Variants in CCDC74A observed in about 807,000 individuals in gnomAD.
The protein encoded by CCDC74A is coiled-coil domain-containing protein 74A.
Under a neutral mutation model 37.6 loss-of-function variants are expected in CCDC74A, and 38 were observed. The ratio of observed to expected loss-of-function variants is 1.01; its 90% CI spans 0.78 to 1.33. CCDC74A has a LOEUF of 1.33. CCDC74A is among the 40% of genes most tolerant of loss of function. CCDC74A has a pLI of 0.00. For missense variants in CCDC74A, 340 were observed against 403.4 expected (o/e 0.84, Z 1.35); for synonymous variants, 134 against 165.2 (o/e 0.81, Z 1.45).
upstream of CCDC74A, among the ~76,000 whole-genome samples, chr2:131,526,046 CCT>C (rs533870348): frequency 1.0e-3 from 153 of 151,976 alleles, no homozygotes; most frequent in South Asian, 4.2e-3. Flanking sequence ...GAACTCCTGA[CCT>C]CAAGTGATTC....
chr2:131,533,173 G>T, intron 7 of CCDC74A, 96 bp from the exon 8 acceptor site: 1 of 1,607,270 alleles, frequency 6.2e-7, no homozygotes, highest in Admixed American at 1.7e-5. Context: ...GCTCGCTGAG[G>T]CCTCTCTGTG....
At chr2:131,524,322 T>C (rs561219215), upstream of CCDC74A, among the ~76,000 whole-genome samples, 1 of 152,150 alleles carries the variant, frequency 6.6e-6, no homozygotes, top group East Asian at 1.9e-4. Context: ...GGGTGGACTT[T>C]TGATGGTTAA....
In CCDC74A at chr2:131,533,609, G is replaced by C; in HGVS notation, c.*211G>C. ...ATTTGGCATTTACATAAAAGCACAC[G>C]ATGAAGCAGGTATCGCCTTACCTGT... On this transcript the variant is annotated 3_prime_UTR_variant, in exon 8 of 8. Coordinates refer to ENST00000409856, the MANE Select transcript of CCDC74A (RefSeq NM_001258306.3). 3.1e-6 allele frequency: 2 copies of C among 641,510 alleles called. No individual in the cohort carries two copies. Among genetic ancestry groups the C allele is most frequent in the Non-Finnish European group, 5.3e-6 (2 of 379,524 alleles). 39.7% of individuals were successfully genotyped at this position (641,510 alleles called of 1,614,324 possible).
At chr2:131,523,567 CA>C (rs1680199909), upstream of CCDC74A, among the ~76,000 whole-genome samples, 1 of 152,158 alleles carries the variant, frequency 6.6e-6, no homozygotes. Flanking sequence ...GTAGAGGTTG[CA>C]GTAAGCCGAG....
chr2:131,531,999 C>T (rs1352641545), intron 4 of CCDC74A, among the ~76,000 whole-genome samples, 197 bp downstream of exon 4: 1 of 149,468 alleles, frequency 6.7e-6, no homozygotes, highest in African/African-American at 2.4e-5. Context: ...GCGCTGTCTT[C>T]CTCCCTTCCC....
chr2:131,529,986 G>T, intron 2 of CCDC74A: 1 of 1,525,224 alleles, frequency 6.6e-7, no homozygotes, highest in Non-Finnish European at 8.8e-7. Context: ...AAATGGGAAG[G>T]AACCCCTGGG....
In CCDC74A at chr2:131,528,038, G is replaced by T; in HGVS notation, c.68G>T (p.Arg23Leu). 6.6e-7 allele frequency: 1 copy of T among 1,515,290 alleles called. No individual in the cohort carries two copies. Among genetic ancestry groups the T allele is most frequent in the Non-Finnish European group, 8.8e-7 (1 of 1,136,380 alleles). The allele number at this position is 1,515,290 out of a possible 1,614,324, so 93.9% of individuals were successfully genotyped here. A position where few individuals can be genotyped will look rare whatever the true frequency, so the allele number is the denominator to read the frequency against. ...PSSPTPGSRRRRQRPSVGVQS... is the reference protein window; with the variant it reads ...PSSPTPGSRRLRQRPSVGVQS... ...TCGCCGACCCCGGGCTCTCGGCGCC[G>T]GCGCCAGCGCCCCTCTGTGGGCGTC... The change falls in exon 1 of 8, where the codon CGG becomes CTG. Residue 23 changes from arginine (R) to leucine (L), a missense_variant. Around this residue, in one of 3 missense-constraint regions of CCDC74A, gnomAD observed 154 missense variants for 153.9 expected, o/e 1.00. Transcript: ENST00000409856.
chr2:131,532,049 C>T (rs528752599), intron 4 of CCDC74A, among the ~76,000 whole-genome samples: 3 of 150,612 alleles, frequency 2.0e-5, no homozygotes, highest in South Asian at 2.1e-4. Flanking sequence ...CCTGAGCCCA[C>T]GAGGGGGGCC....
Position 131,528,125 on chromosome 2 carries a change from A to G in CCDC74A, c.155A>G (p.Asp52Gly). Residue 52 changes from aspartate (D) to glycine (G), a missense_variant, in exon 1 of 8, where the codon GAC (aspartate) becomes GGC (glycine). This residue lies in a region of CCDC74A where 154 missense variants were observed against 153.9 expected (regional missense o/e 1.00). Transcript: ENST00000409856. ...AGCGACCCGCAGAAACGGAACCTGG[A>G]CCTGGAGAAAAGCCTGCAGTTCCTG... ...RQSDPQKRNL[D>G]LEKSLQFLQQ... The G allele has an allele frequency of 5.0e-6, 8 of 1,613,868 alleles. No individual in the cohort carries two copies. Among genetic ancestry groups the G allele is most frequent in the Non-Finnish European group, 6.8e-6 (8 of 1,179,832 alleles).
chr2:131,532,056 G>A (rs1425536625), intron 4 of CCDC74A, among the ~76,000 whole-genome samples: 2 of 150,580 alleles, frequency 1.3e-5, no homozygotes, highest in African/African-American at 4.8e-5. Flanking sequence ...CCACGAGGGG[G>A]GCCAGTAGCA....
chr2:131,528,504 C>T, intron 1 of CCDC74A: 1 of 1,461,252 alleles, frequency 6.8e-7, no homozygotes, highest in South Asian at 1.2e-5. Context: ...GTCAGACACA[C>T]CTCTGTTAAA....
At chr2:131,527,854 C>T (rs1431872524), upstream of CCDC74A, 5 of 1,397,828 alleles carry the variant, frequency 3.6e-6, no homozygotes, top group Non-Finnish European at 4.6e-6. Context: ...CCCGCCCCCG[C>T]CAACCGCCTC....
chr2:131,533,069 G>C lies in CCDC74A; in HGVS notation c.809G>C (p.Cys270Ser). The C allele has an allele frequency of 6.2e-7, 1 of 1,613,842 alleles. No homozygotes were observed. Among genetic ancestry groups the C allele is most frequent in the Non-Finnish European group, 8.5e-7 (1 of 1,179,850 alleles). Reference protein sequence around the residue: ...KVSTKSLSKKCLSPPVAERAI... With the variant: ...KVSTKSLSKKSLSPPVAERAI... The stretch of plus-strand genomic sequence containing the variant: ...TCCACCAAGAGCCTCTCCAAGAAAT[G>C]GTAAGTCCCACAGGCATGGGGACAG... Residue 270 changes from cysteine to serine, a missense_variant and splice_region_variant, in exon 7 of 8, where the codon TGC becomes TCC. Cys to Ser is a moderately radical substitution (Grantham distance 112, BLOSUM62 -1). Transcript: ENST00000409856.
chr2:131,526,763 G>A (rs1278288622), upstream of CCDC74A, among the ~76,000 whole-genome samples: 1 of 152,206 alleles, frequency 6.6e-6, no homozygotes, highest in Non-Finnish European at 1.5e-5. Context: ...CATGTGTTCT[G>A]TTTGTTAACT....
rs766922944 is a variant in CCDC74A, at chr2:131,533,407, A to C, written c.*9A>C. 7 of 1,613,224 alleles carry C rather than the reference A, an allele frequency of 4.3e-6. No homozygotes were observed. Among genetic ancestry groups the C allele is most frequent in the South Asian group, 1.1e-5 (1 of 91,066 alleles). On this transcript the variant is annotated 3_prime_UTR_variant, in exon 8 of 8. Coordinates refer to ENST00000409856, the MANE Select transcript of CCDC74A (RefSeq NM_001258306.3). ...ATCGCTCAGTGCTTTGAGCCACCCC[A>C]ATCTGGTCAGTGCCAGGCCCACCAA...
At chr2:131,529,193 T>C in intron 1 of CCDC74A, 2 of 266,510 alleles carry the variant, frequency 7.5e-6, no homozygotes, top group South Asian at 9.9e-5. Flanking sequence ...GAGTGCCGAG[T>C]ATCCCATCAC....
In CCDC74A at chr2:131,533,323, G is replaced by A. The variant is rs374282399; in HGVS notation, c.864G>A (p.Pro288=). 147 of 1,613,304 alleles carry A rather than the reference G, an allele frequency of 9.1e-5. 1 individual carries two copies. Among genetic ancestry groups the A allele is most frequent in the Non-Finnish European group, 1.0e-4 (122 of 1,179,948 alleles). The part of the protein sequence containing the change: ...RAILPALKQT[P]KNNFAERQKR... ...TCCTGCCCGCACTGAAGCAGACCCC[G>A]AAGAACAACTTTGCCGAGAGGCAGA... is the stretch of plus-strand genomic sequence containing the variant. Residue 288 remains proline (P), a synonymous_variant, in exon 8 of 8, where the codon CCG becomes CCA. Transcript: ENST00000409856.
chr2:131,525,202 T>A (rs1033919508), upstream of CCDC74A, among the ~76,000 whole-genome samples: 1 of 152,242 alleles, frequency 6.6e-6, no homozygotes, highest in African/African-American at 2.4e-5. Context: ...TATCTTAATT[T>A]ATTCCTTCTC....
At chr2:131,528,584 G>C (rs1476912313) in intron 1 of CCDC74A, 28 of 1,039,142 alleles carry the variant, frequency 2.7e-5, no homozygotes, top group Non-Finnish European at 1.4e-6. Context: ...GCCGAGACGG[G>C]CGGATCACGA....
Sources: allele counts gnomAD v4.1 joint callset (sites outside exome capture counted in the v4.1 genomes callset), GRCh38; gene constraint gnomAD v4.1.1; regional missense constraint gnomAD v4.1.1; transcripts MANE v1.5; gene names NCBI Gene and HGNC (gene_info 2026-07-23, HGNC 2026-07-21).